GAB2: variants seen among roughly 807,000 people sequenced by gnomAD.
The protein encoded by GAB2 is GRB2-associated-binding protein 2.
In GAB2, 26 loss-of-function variants were observed where a neutral mutation model predicts 65.5. The observed-to-expected ratio is 0.40, with a 90% CI of 0.29 to 0.55. GAB2 has a LOEUF of 0.55. Among genes scored for constraint, GAB2 ranks in the 20% least tolerant of loss-of-function variants. The probability of loss-of-function intolerance (pLI) is 0.53; values close to 1 mark genes in which losing one functional copy is unlikely to be tolerated. For missense variants in GAB2, 884 were observed against 875.8 expected (o/e 1.01, Z -0.12); for synonymous variants, 321 against 329.6 (o/e 0.97, Z 0.28).
At chr11:78,295,360 C>G (rs1054239449) in intron 1 of GAB2, among the ~76,000 whole-genome samples, 1 of 152,206 alleles carries the variant, frequency 6.6e-6, no homozygotes, top group Admixed American at 6.5e-5. Context: ...TTTGCTACCA[C>G]CGGAGTAACT....
chr11:78,248,874 T>A (rs1411743749), intron 3 of GAB2, among the ~76,000 whole-genome samples: 1 of 151,956 alleles, frequency 6.6e-6, no homozygotes, highest in Non-Finnish European at 1.5e-5. Flanking sequence ...TTCGGGAGAA[T>A]CAGGTACTAT....
At chr11:78,228,063 T>A (rs1864737495) in intron 3 of GAB2, among the ~76,000 whole-genome samples, 1 of 152,174 alleles carries the variant, frequency 6.6e-6, no homozygotes, top group African/African-American at 2.4e-5. Flanking sequence ...GGGAGACTTG[T>A]GTTAGGTTCC....
At chr11:78,311,525 G>C (rs528099168) in intron 1 of GAB2, among the ~76,000 whole-genome samples, 2 of 151,914 alleles carry the variant, frequency 1.3e-5, no homozygotes, top group Admixed American at 6.6e-5. Flanking sequence ...ATTTGAACTG[G>C]GCTTCAAACA....
chr11:78,234,616 T>G (rs1027554871), intron 3 of GAB2, among the ~76,000 whole-genome samples: 1 of 148,606 alleles, frequency 6.7e-6, no homozygotes, highest in Non-Finnish European at 1.5e-5. Flanking sequence ...TATTTATATA[T>G]GCATTTAAAA....
At chr11:78,376,774 G>A (rs544085858) in intron 1 of GAB2, among the ~76,000 whole-genome samples, 4 of 152,082 alleles carry the variant, frequency 2.6e-5, no homozygotes, top group Non-Finnish European at 5.9e-5. Flanking sequence ...AGCCTGGGCT[G>A]CTATAACAAA....
chr11:78,403,179 C>T (rs1247183123), intron 1 of GAB2, among the ~76,000 whole-genome samples: 1 of 152,148 alleles, frequency 6.6e-6, no homozygotes, highest in African/African-American at 2.4e-5. Flanking sequence ...GTTATAGCAG[C>T]CTGAATGGAC....
intron 1 of GAB2, among the ~76,000 whole-genome samples, chr11:78,408,269 G>C (rs918607146): frequency 6.6e-6 from 1 of 152,066 alleles, no homozygotes; most frequent in Non-Finnish European, 1.5e-5. Context: ...GGGAGGTAAG[G>C]TTACTATACT....
At chr11:78,357,250 T>C (rs926046649) in intron 1 of GAB2, among the ~76,000 whole-genome samples, 2 of 152,196 alleles carry the variant, frequency 1.3e-5, no homozygotes, top group Non-Finnish European at 2.9e-5. Flanking sequence ...AGGTTATTTA[T>C]GTAACAAACA....
At chr11:78,219,998 A>G (rs544701870) in intron 9 of GAB2, among the ~76,000 whole-genome samples, 2 of 152,242 alleles carry the variant, frequency 1.3e-5, no homozygotes, top group South Asian at 4.1e-4. Flanking sequence ...CAGTATCCTC[A>G]TTCCTGGATC....
intron 1 of GAB2, among the ~76,000 whole-genome samples, chr11:78,407,675 A>AAGAAAGAGATGGC (rs1555001708): frequency 0.031 from 4,599 of 147,460 alleles, 293 homozygotes; most frequent in African/African-American, 0.12. Context: ...GAAAGAAAGA[A>AAGAAAGAGATGGC]AGAAAGAAAG....
At chr11:78,284,610 C>T (rs1866424177) in intron 1 of GAB2, among the ~76,000 whole-genome samples, 1 of 152,186 alleles carries the variant, frequency 6.6e-6, no homozygotes, top group South Asian at 2.1e-4. Flanking sequence ...CAGATATTTC[C>T]ATTGCTTAAT....
intron 1 of GAB2, among the ~76,000 whole-genome samples, chr11:78,307,304 A>C (rs958087766): frequency 1.3e-5 from 2 of 152,176 alleles, no homozygotes; most frequent in African/African-American, 4.8e-5. Context: ...AAAGGGGTTG[A>C]TTCTATGTTG....
At chr11:78,309,605 G>C (rs1283260638) in intron 1 of GAB2, among the ~76,000 whole-genome samples, 1 of 151,880 alleles carries the variant, frequency 6.6e-6, no homozygotes, top group Non-Finnish European at 1.5e-5. Flanking sequence ...CTGAGTAGCT[G>C]GGACTACAGG....
At chr11:78,259,028 C>T (rs966213123) in intron 2 of GAB2, among the ~76,000 whole-genome samples, 1 of 152,058 alleles carries the variant, frequency 6.6e-6, no homozygotes, top group South Asian at 2.1e-4. Flanking sequence ...TCCTCCTACC[C>T]TCTACCCTCT....
intron 2 of GAB2, among the ~76,000 whole-genome samples, chr11:78,266,036 G>A (rs1865864817): frequency 6.6e-6 from 1 of 151,742 alleles, no homozygotes; most frequent in Non-Finnish European, 1.5e-5. Flanking sequence ...CCAACATGGT[G>A]AAACCCCATC....
intron 1 of GAB2, among the ~76,000 whole-genome samples, chr11:78,310,053 G>A (rs1447528882): frequency 2.6e-5 from 4 of 151,794 alleles, no homozygotes; most frequent in African/African-American, 7.3e-5. Flanking sequence ...GCATTAGAGG[G>A]CAGAGGACAG....
rs536509185 is a variant in GAB2, at chr11:78,402,562, C to A, written c.75+15084G>T. ...CTCCGGCCTCAGCCGCACCCCCCCA[C>A]CCCCACCCCCAATCGCCCCAGTAGC... On this transcript the variant is annotated intron_variant, in intron 1 of 9. Coordinates refer to ENST00000361507, the MANE Select transcript of GAB2 (RefSeq NM_080491.3). Among the ~76,000 whole-genome samples the A allele has an allele frequency of 7.3e-4, 107 of 146,232 alleles. No homozygotes were observed. The East Asian group carries it at 0.01, about 14-fold the overall frequency.
At chr11:78,373,174 A>G (rs1301585291) in intron 1 of GAB2, among the ~76,000 whole-genome samples, 1 of 151,486 alleles carries the variant, frequency 6.6e-6, no homozygotes, top group Non-Finnish European at 1.5e-5. Context: ...GGAGCAAACA[A>G]CTCTTCTCTG....
chr11:78,239,786 T>C (rs540045904), intron 3 of GAB2, among the ~76,000 whole-genome samples: 1 of 152,280 alleles, frequency 6.6e-6, no homozygotes, highest in East Asian at 1.9e-4. Context: ...GAAGTCCTCA[T>C]AGGCACTAAG....
Sources: allele counts gnomAD v4.1 joint callset (sites outside exome capture counted in the v4.1 genomes callset), GRCh38; gene constraint gnomAD v4.1.1; transcripts MANE v1.5; gene names NCBI Gene and HGNC (gene_info 2026-07-23, HGNC 2026-07-21).